Variants in NAALADL2 observed in about 807,000 individuals in gnomAD.
NAALADL2 encodes the protein N-acetylated alpha-linked acidic dipeptidase like 2, also known as inactive N-acetylated-alpha-linked acidic dipeptidase-like protein 2.
A neutral mutation model predicts 87.2 loss-of-function variants in NAALADL2; 76 were observed. That is an observed-to-expected ratio of 0.87 (90% confidence interval 0.72 to 1.05). NAALADL2 has a LOEUF of 1.05. Among genes scored for constraint, NAALADL2 ranks in the 50% least tolerant of loss-of-function variants. NAALADL2 has a pLI of 0.00. For missense variants in NAALADL2, 1,089 were observed against 945.8 expected (o/e 1.15, Z -1.99); for synonymous variants, 354 against 331.0 (o/e 1.07, Z -0.75).
At chr3:175,094,255 TATA>T (rs759565194) in intron 1 of NAALADL2, among the ~76,000 whole-genome samples, 93 of 151,918 alleles carry the variant, frequency 6.1e-4, no homozygotes, top group Non-Finnish European at 1.2e-3. Flanking sequence ...AAGAAGTAAA[TATA>T]ATATCATTTC....
intron 3 of NAALADL2, among the ~76,000 whole-genome samples, chr3:174,744,609 T>C (rs538189940): frequency 6.6e-6 from 1 of 152,254 alleles, no homozygotes; most frequent in African/African-American, 2.4e-5. Flanking sequence ...CTGATAGATA[T>C]CTTCAGAACT....
At chr3:174,670,284 G>A (rs916900717) in intron 2 of NAALADL2, among the ~76,000 whole-genome samples, 3 of 151,864 alleles carry the variant, frequency 2.0e-5, no homozygotes, top group Admixed American at 6.6e-5. Flanking sequence ...CTGAATAGAA[G>A]TGGCAGGAGT....
At chr3:175,757,689 A>G (rs1747449049) in intron 13 of NAALADL2, among the ~76,000 whole-genome samples, 1 of 152,070 alleles carries the variant, frequency 6.6e-6, no homozygotes, top group Non-Finnish European at 1.5e-5. Context: ...TTTAAGCATC[A>G]GGGACATAGC....
intron 13 of NAALADL2, among the ~76,000 whole-genome samples, chr3:175,794,114 A>G (rs1271029100): frequency 1.3e-5 from 2 of 152,216 alleles, no homozygotes; most frequent in Non-Finnish European, 2.9e-5. Flanking sequence ...AAAAAGGACA[A>G]TGCAAATATC....
intron 1 of NAALADL2, among the ~76,000 whole-genome samples, chr3:174,467,499 A>G (rs1387421826): frequency 1.3e-5 from 2 of 151,106 alleles, no homozygotes; most frequent in East Asian, 4.0e-4. Flanking sequence ...AAGCTGAACC[A>G]GGAGAATTGC....
chr3:175,010,201 C>G (rs992692221), intron 1 of NAALADL2, among the ~76,000 whole-genome samples: 1 of 152,020 alleles, frequency 6.6e-6, no homozygotes, highest in Non-Finnish European at 1.5e-5. Context: ...CTCAGATAAA[C>G]TAAGGGAGTG....
intron 10 of NAALADL2, among the ~76,000 whole-genome samples, chr3:175,599,569 T>C (rs1213296029): frequency 6.6e-6 from 1 of 152,140 alleles, no homozygotes; most frequent in Non-Finnish European, 1.5e-5. Context: ...CCCCAAGTTC[T>C]TTCTCCAACT....
intron 1 of NAALADL2, among the ~76,000 whole-genome samples, chr3:175,040,774 A>G (rs528757064): frequency 6.6e-6 from 1 of 152,330 alleles, no homozygotes; most frequent in East Asian, 1.9e-4. Context: ...GCAAGGCCAT[A>G]ACAAATTCAG....
chr3:175,385,008 C>T (rs1310665538), intron 5 of NAALADL2, among the ~76,000 whole-genome samples: 1 of 152,010 alleles, frequency 6.6e-6, no homozygotes, highest in African/African-American at 2.4e-5. Context: ...CCTATGTCAA[C>T]TGGGACCTCC....
rs201261597 is a variant in NAALADL2 at position 175,471,628 on chromosome 3, T to G, written c.1534-11T>G. 2 of 1,333,484 alleles carry G rather than the reference T, an allele frequency of 1.5e-6. No homozygotes were observed. Among genetic ancestry groups the G allele is most frequent in the African/African-American group, 3.3e-5 (2 of 61,496 alleles). 82.6% of individuals were successfully genotyped at this position (1,333,484 alleles called of 1,614,324 possible). The stretch of plus-strand genomic sequence containing the variant: ...TCTTACAGATAGATCCTTTTTTTTT[T>G]GTTATTTCAGGATTTCAAGAAGGTT... On this transcript the variant is annotated splice_polypyrimidine_tract_variant and intron_variant, in intron 8 of 13. Coordinates refer to ENST00000454872, the MANE Select transcript of NAALADL2 (RefSeq NM_207015.3).
At chr3:174,843,885 T>G (rs1251069984) in intron 3 of NAALADL2, among the ~76,000 whole-genome samples, 1 of 152,150 alleles carries the variant, frequency 6.6e-6, no homozygotes, top group Non-Finnish European at 1.5e-5. Flanking sequence ...GGTTATTTTG[T>G]TTTTGAGTTG....
At chr3:174,673,401 G>A (rs891702812) in intron 2 of NAALADL2, among the ~76,000 whole-genome samples, 1 of 152,002 alleles carries the variant, frequency 6.6e-6, no homozygotes, top group Non-Finnish European at 1.5e-5. Context: ...TTTGCTATGG[G>A]CCTTGAAGTA....
chr3:175,097,099 A>G lies in NAALADL2; in HGVS notation c.353A>G (p.Asn118Ser). 1 of 1,613,724 alleles carries G rather than the reference A, an allele frequency of 6.2e-7. No individual in the cohort carries two copies. The highest frequency in any genetic ancestry group is 8.5e-7 in the Non-Finnish European group (1 of 1,179,644). ...THYTRSAPKSNRCNFCHVLKI... is the reference protein window; with the variant it reads ...THYTRSAPKSSRCNFCHVLKI... ...TATACACGATCTGCACCAAAGAGCAATCGCTGCAACTTTTGCCACGTCTTA... is the reference window on the plus strand; with the variant it reads ...TATACACGATCTGCACCAAAGAGCAGTCGCTGCAACTTTTGCCACGTCTTA... Residue 118 changes from asparagine (N) to serine (S), a missense_variant, in exon 2 of 14, where the codon AAT becomes AGT. Asn to Ser is a conservative substitution (Grantham distance 46, BLOSUM62 1). Transcript: ENST00000454872.
intron 1 of NAALADL2, among the ~76,000 whole-genome samples, chr3:174,945,825 A>G (rs963084688): frequency 6.6e-6 from 1 of 152,098 alleles, no homozygotes; most frequent in Non-Finnish European, 1.5e-5. Flanking sequence ...AGGCGGGCAG[A>G]TCGTGAAGTC....
intron 2 of NAALADL2, among the ~76,000 whole-genome samples, chr3:175,161,079 G>A (rs531696449): frequency 5.3e-5 from 8 of 151,966 alleles, no homozygotes; most frequent in East Asian, 3.9e-4. Context: ...CAATTACACC[G>A]CAACCACCAA....
chr3:174,505,324 A>T (rs1178531261), intron 1 of NAALADL2, among the ~76,000 whole-genome samples: 1 of 152,182 alleles, frequency 6.6e-6, no homozygotes, highest in East Asian at 1.9e-4. Flanking sequence ...CCTCAAAAAA[A>T]TTTCCTGACC....
intron 2 of NAALADL2, among the ~76,000 whole-genome samples, chr3:175,106,683 G>C (rs1305793860): frequency 6.6e-6 from 1 of 152,002 alleles, no homozygotes; most frequent in Non-Finnish European, 1.5e-5. Context: ...GTTGAGAACT[G>C]TTTGTATGCT....
At chr3:175,672,301 G>A (rs761998098) in intron 11 of NAALADL2, among the ~76,000 whole-genome samples, 4 of 152,232 alleles carry the variant, frequency 2.6e-5, no homozygotes, top group Admixed American at 6.5e-5. Context: ...CAGATAATGA[G>A]CAGTGAGCAT....
rs1459090543 is a variant in NAALADL2 at position 175,757,657 on chromosome 3, CTTTG to C, written c.2189+2244_2189+2247del. Among the ~76,000 whole-genome samples, 6 of 152,046 alleles carry C rather than the reference CTTTG, an allele frequency of 3.9e-5. No individual in the cohort carries two copies. The South Asian group carries it at 8.3e-4, about 21-fold the overall frequency. On this transcript the variant is annotated intron_variant, in intron 13 of 13. Transcript: ENST00000454872. ...TATAATAAGAGATATGGTTAAGACA[CTTTG>C]TTTGCTGCTTGTATTTTTTTAAGCA...
Sources: gnomAD v4.1 joint callset for allele counts (sites outside exome capture counted in the v4.1 genomes callset) on GRCh38, gnomAD v4.1.1 for gene constraint, MANE v1.5 for transcripts, NCBI Gene and HGNC (gene_info 2026-07-23, HGNC 2026-07-21) for gene names.